The following RGS12 variants were observed in gnomAD, a reference collection of about 807,000 sequenced individuals.
RGS12 encodes the protein regulator of G-protein signaling 12.
Under a neutral mutation model 120.1 loss-of-function variants are expected in RGS12, and 66 were observed. The observed-to-expected ratio is 0.55, with a 90% CI of 0.45 to 0.67. The LOEUF (loss-of-function observed/expected upper bound fraction) is 0.67. Ranked by LOEUF, RGS12 falls within the 30% of genes least tolerant of loss-of-function variation. The pLI is 0.00. For synonymous variants in RGS12, 827 were observed against 804.7 expected (o/e 1.03, Z -0.47); for missense variants, 1,859 against 1,957.7 (o/e 0.95, Z 0.95).
chr4:3,295,761 C>T (rs1186790592), intron 1 of RGS12, among the ~76,000 whole-genome samples: 2 of 151,778 alleles, frequency 1.3e-5, no homozygotes, highest in Non-Finnish European at 2.9e-5. Flanking sequence ...TCATTAGTTA[C>T]GACTTAACAC....
chr4:3,371,902 G>A (rs1363511486), intron 3 of RGS12, among the ~76,000 whole-genome samples: 2 of 152,132 alleles, frequency 1.3e-5, no homozygotes, highest in African/African-American at 2.4e-5. Flanking sequence ...GGATGCCCCC[G>A]CCTTTCTAGG....
At chr4:3,401,721 C>T (rs2109036902) in intron 4 of RGS12, among the ~76,000 whole-genome samples, 1 of 152,342 alleles carries the variant, frequency 6.6e-6, no homozygotes, top group South Asian at 2.1e-4. Context: ...GCTGAGGATC[C>T]ACCTCCTAGA....
chr4:3,377,003 T>C (rs920693540), intron 3 of RGS12, among the ~76,000 whole-genome samples: 1 of 152,102 alleles, frequency 6.6e-6, no homozygotes, highest in African/African-American at 2.4e-5. Context: ...GCAAATTGGA[T>C]TGTTAAATTC....
chr4:3,299,185 C>T (rs1036204243), intron 1 of RGS12, among the ~76,000 whole-genome samples: 1 of 152,038 alleles, frequency 6.6e-6, no homozygotes, highest in South Asian at 2.1e-4. Context: ...CCTCCTTCTG[C>T]TGGACTCTGG....
chr4:3,336,964 A>T (rs1454277226), intron 2 of RGS12, among the ~76,000 whole-genome samples: 1 of 152,186 alleles, frequency 6.6e-6, no homozygotes, highest in Non-Finnish European at 1.5e-5. Flanking sequence ...ATAAAAAAAA[A>T]TGGGCAAAGA....
chr4:3,352,835 T>C (rs1249040606), intron 3 of RGS12, among the ~76,000 whole-genome samples: 2 of 152,222 alleles, frequency 1.3e-5, no homozygotes, highest in Non-Finnish European at 1.5e-5. Flanking sequence ...CTTCCCTAGC[T>C]CTGTTGATCA....
At chr4:3,384,587 T>C (rs1718616376) in intron 3 of RGS12, among the ~76,000 whole-genome samples, 1 of 152,228 alleles carries the variant, frequency 6.6e-6, no homozygotes, top group Admixed American at 6.5e-5. Context: ...TAAAAACCAG[T>C]TCCTGCGGCT....
chr4:3,300,777 G>A (rs1399361714), intron 1 of RGS12, among the ~76,000 whole-genome samples: 2 of 152,228 alleles, frequency 1.3e-5, no homozygotes, highest in African/African-American at 4.8e-5. Context: ...TGTCCCTTTT[G>A]CCTCCCTCTT....
In RGS12 at chr4:3,416,036, C is replaced by A. The variant is rs763344869; in HGVS notation, c.2342C>A (p.Pro781Gln). The change falls in exon 7 of 18, where the codon CCG (proline) becomes CAG (glutamine). Residue 781 changes from proline (P) to glutamine (Q), a missense_variant. Around this residue, in one of 3 missense-constraint regions of RGS12, gnomAD observed 375 missense variants for 475.0 expected, o/e 0.79. Transcript: ENST00000336727. ...SKFLCSKATTPVNIDSQAQLA... is the reference protein window; with the variant it reads ...SKFLCSKATTQVNIDSQAQLA... The stretch of plus-strand genomic sequence containing the variant: ...TTTCTCTGCAGCAAAGCCACCACCC[C>A]GGTCAACATCGACAGCCAGGCCCAG... 1 of 1,613,964 alleles carries A rather than the reference C, an allele frequency of 6.2e-7. No homozygotes were observed. Among genetic ancestry groups the A allele is most frequent in the Non-Finnish European group, 8.5e-7 (1 of 1,179,974 alleles).
At chr4:3,319,232 G>A (rs1162871405) in intron 2 of RGS12, among the ~76,000 whole-genome samples, 2 of 152,160 alleles carry the variant, frequency 1.3e-5, no homozygotes, top group African/African-American at 4.8e-5. Context: ...CAAGACTGCC[G>A]TGAGCTGTGT....
At chr4:3,363,045 GTGTA>G (rs1270450997) in intron 3 of RGS12, among the ~76,000 whole-genome samples, 4 of 146,052 alleles carry the variant, frequency 2.7e-5, no homozygotes, top group African/African-American at 1.1e-4. Context: ...GAACGCGAGG[GTGTA>G]TGTGTGTGTG....
intron 17 of RGS12, chr4:3,432,118 C>T (rs1363879577): frequency 2.0e-6 from 2 of 985,344 alleles, no homozygotes; most frequent in Non-Finnish European, 2.4e-6. Context: ...CTGTGTGGCT[C>T]TCACCTGCGT....
intron 3 of RGS12, among the ~76,000 whole-genome samples, chr4:3,362,358 GGT>G (rs1468390699): frequency 1.3e-5 from 2 of 152,146 alleles, no homozygotes; most frequent in East Asian, 3.9e-4. Context: ...TGCGTGTGAG[GGT>G]GTGTGTGAGG....
chr4:3,436,991 A>G (rs191696892), intron 17 of RGS12, among the ~76,000 whole-genome samples: 1 of 152,320 alleles, frequency 6.6e-6, no homozygotes, highest in East Asian at 1.9e-4. Context: ...ACCAGGAGTG[A>G]GACCAGGAGG....
rs538635817 is a variant in RGS12 at position 3,351,795 on chromosome 4, T to G, written c.1998+8742T>G. Among the ~76,000 whole-genome samples, 11 of 152,194 alleles carry G rather than the reference T, an allele frequency of 7.2e-5. No homozygotes were observed. In the East Asian group the frequency reaches 2.1e-3, roughly 29 times the overall value. On this transcript the variant is annotated intron_variant, in intron 3 of 17. Coordinates refer to ENST00000336727, the MANE Select transcript of RGS12 (RefSeq NM_001394154.1). ...TAGCTGGCCAGAGTCCTAGAAGACT[T>G]GGTGTGCCTCAATGTTTAAGAATCC...
intron 4 of RGS12, among the ~76,000 whole-genome samples, chr4:3,388,658 C>T (rs936548731): frequency 2.0e-5 from 3 of 152,186 alleles, no homozygotes; most frequent in Admixed American, 6.5e-5. Flanking sequence ...GACCCTCCAG[C>T]GCCTGCAGCC....
At chr4:3,400,741 C>T (rs1284816122) in intron 4 of RGS12, among the ~76,000 whole-genome samples, 1 of 146,160 alleles carries the variant, frequency 6.8e-6, no homozygotes, top group Non-Finnish European at 1.5e-5. Flanking sequence ...TAGTAATACT[C>T]ATTAGTATTA....
In RGS12 at chr4:3,317,574, G is replaced by T; in HGVS notation, c.1404G>T (p.Trp468Cys). 1 of 1,603,942 alleles carries T rather than the reference G, an allele frequency of 6.2e-7. No individual in the cohort carries two copies. The highest frequency in any genetic ancestry group is 8.5e-7 in the Non-Finnish European group (1 of 1,175,894). The change falls in exon 2 of 18, where the codon TGG (tryptophan) becomes TGT (cysteine). Residue 468 changes from tryptophan (W) to cysteine (C), a missense_variant. Physicochemically the swap from Trp to Cys is radical, Grantham distance 215. This residue lies in a region of RGS12 where 967 missense variants were observed against 994.2 expected (regional missense o/e 0.97). Coordinates refer to ENST00000336727, the MANE Select transcript of RGS12 (RefSeq NM_001394154.1). ...TGGGTGGGAGGGGTGCCCAGCCCTG[G>T]GGTGCTCCCTGGACTGGGCCCTTCT... Reference protein sequence around the residue: ...DGVGGRGAQPWGAPWTGPFCP... With the variant: ...DGVGGRGAQPCGAPWTGPFCP...
chr4:3,312,003 G>T (rs1334698282), intron 1 of RGS12, among the ~76,000 whole-genome samples: 1 of 152,200 alleles, frequency 6.6e-6, no homozygotes, highest in East Asian at 1.9e-4. Context: ...TGGGTTAAAT[G>T]ATCTCCAGTC....
Sources: gnomAD v4.1 joint callset for allele counts (sites outside exome capture counted in the v4.1 genomes callset) on GRCh38, gnomAD v4.1.1 for gene constraint, gnomAD v4.1.1 regional missense constraint, MANE v1.5 for transcripts, NCBI Gene and HGNC (gene_info 2026-07-23, HGNC 2026-07-21) for gene names.